The following PTPRN2 variants were observed in gnomAD, a reference collection of about 807,000 sequenced individuals.
PTPRN2 encodes the protein protein tyrosine phosphatase receptor type N2, also known as receptor-type tyrosine-protein phosphatase N2.
A neutral mutation model predicts 118.8 loss-of-function variants in PTPRN2; 74 were observed. The observed-to-expected ratio is 0.62, with a 90% confidence interval of 0.52 to 0.76. PTPRN2 has a LOEUF of 0.76. Ranked by LOEUF, PTPRN2 falls within the 30% of genes least tolerant of loss-of-function variation. The probability of loss-of-function intolerance (pLI) is 0.00; values close to 1 mark genes in which losing one functional copy is unlikely to be tolerated. For missense variants in PTPRN2, 1,481 were observed against 1,394.4 expected (o/e 1.06, Z -0.99); for synonymous variants, 641 against 608.0 (o/e 1.05, Z -0.80).
chr7:157,816,138 C>T (rs958493282), intron 12 of PTPRN2, among the ~76,000 whole-genome samples: 2 of 152,232 alleles, frequency 1.3e-5, no homozygotes, highest in Admixed American at 6.5e-5. Flanking sequence ...TGAGAAGACA[C>T]AGAATTCCAT....
At chr7:157,839,971 T>G (rs111162904) in intron 12 of PTPRN2, among the ~76,000 whole-genome samples, 1 of 151,100 alleles carries the variant, frequency 6.6e-6, no homozygotes, top group Non-Finnish European at 1.5e-5. Flanking sequence ...CGTGTGACTG[T>G]GTGACCACAT....
At chr7:158,260,894 A>C (rs1797352603) in intron 3 of PTPRN2, among the ~76,000 whole-genome samples, 1 of 152,116 alleles carries the variant, frequency 6.6e-6, no homozygotes, top group Admixed American at 6.5e-5. Context: ...CTCAGGCAGG[A>C]GTGTGAGCTC....
At position 158,192,375 on chromosome 7, in the gene PTPRN2, T is replaced by C; in HGVS notation, c.501A>G (p.Ser167=). 1 of 1,526,912 alleles carries C rather than the reference T, an allele frequency of 6.5e-7. No homozygotes were observed. Among genetic ancestry groups the C allele is most frequent in the Non-Finnish European group, 8.7e-7 (1 of 1,148,990 alleles). The allele number at this position is 1,526,912 out of a possible 1,614,324, so 94.6% of individuals were successfully genotyped here. A position where few individuals can be genotyped will look rare whatever the true frequency, so the allele number is the denominator to read the frequency against. Residue 167 remains serine (S), a synonymous_variant, in exon 5 of 23, where the codon TCA becomes TCG. Transcript: ENST00000389418. ...FLEALSQAPA[S]DVLARTHTAQ... ...CCGTATGGGTCCTGGCGAGCACGTC[T>C]GAGGCTGGGGCCTGGGACAGGGCCT...
In PTPRN2 at chr7:157,868,083, G is replaced by C. The variant is rs2151253654; in HGVS notation, c.1788+30590C>G. Among the ~76,000 whole-genome samples, 1 of 152,364 alleles carries C rather than the reference G, an allele frequency of 6.6e-6. No homozygotes were observed. The highest frequency in any genetic ancestry group is 2.4e-5 in the African/African-American group (1 of 41,588). On this transcript the variant is annotated intron_variant, in intron 12 of 22. Coordinates refer to ENST00000389418, the MANE Select transcript of PTPRN2 (RefSeq NM_002847.5). This position sits in a 1 kb window ranked among gnomAD's most constrained non-coding sequence, Gnocchi z 5.2. ...AACCCAGCCCGCATCCTGGGCAAGA[G>C]GCCCACATGCACCTTAGAAAGGGCC...
At chr7:158,290,341 T>C (rs1215050909) in intron 3 of PTPRN2, among the ~76,000 whole-genome samples, 1 of 152,138 alleles carries the variant, frequency 6.6e-6, no homozygotes, top group Non-Finnish European at 1.5e-5. Context: ...CCTACCAGGA[T>C]AGGCCTGGGT....
intron 9 of PTPRN2, among the ~76,000 whole-genome samples, chr7:158,122,548 G>A (rs1374289754): frequency 3.9e-5 from 6 of 152,168 alleles, no homozygotes; most frequent in African/African-American, 9.7e-5. Context: ...TGAAAAGTAC[G>A]TAGGGGTCGG....
chr7:157,646,212 G>A (rs1213517593), intron 14 of PTPRN2, among the ~76,000 whole-genome samples: 3 of 152,182 alleles, frequency 2.0e-5, no homozygotes, highest in Non-Finnish European at 4.4e-5. Flanking sequence ...CCCAGGGCTG[G>A]AGGTGGGGCC....
chr7:157,886,208 C>T (rs974214716), intron 12 of PTPRN2, among the ~76,000 whole-genome samples: 1 of 152,130 alleles, frequency 6.6e-6, no homozygotes, highest in South Asian at 2.1e-4. Context: ...GACAATCTTG[C>T]CTTCCACTAA....
At chr7:157,721,577 G>A (rs933423) in intron 12 of PTPRN2, among the ~76,000 whole-genome samples, 23,436 of 152,200 alleles carry the variant, frequency 0.15, 2,216 homozygotes, top group East Asian at 0.48. Context: ...TGTTCCCACC[G>A]ATGCCCAGTG....
Position 158,022,076 on chromosome 7 carries a change from A to C in PTPRN2, c.1723+59222T>G, listed in dbSNP as rs959875217. Among the ~76,000 whole-genome samples, 1 of 152,148 alleles carries C rather than the reference A, an allele frequency of 6.6e-6. No individual in the cohort carries two copies. Among genetic ancestry groups the C allele is most frequent in the Non-Finnish European group, 1.5e-5 (1 of 68,032 alleles). ...CTCCCTGAAGGGCCAGATGGGTGAC[A>C]GGTCCCCAGAAGCTTCGGTCTTGGG... On this transcript the variant is annotated intron_variant, in intron 11 of 22. Transcript: ENST00000389418. The surrounding 1 kb of genome is among the most constrained non-coding windows in gnomAD (Gnocchi z 4.6).
intron 12 of PTPRN2, among the ~76,000 whole-genome samples, chr7:157,807,879 A>G (rs1410498264): frequency 6.6e-6 from 1 of 152,156 alleles, no homozygotes; most frequent in African/African-American, 2.4e-5. Flanking sequence ...TCTGGGATGG[A>G]TGTTTACGTG....
chr7:157,771,754 C>T (rs754813547), intron 12 of PTPRN2, among the ~76,000 whole-genome samples: 45 of 150,912 alleles, frequency 3.0e-4, no homozygotes, highest in South Asian at 1.0e-3. Flanking sequence ...GATACAGACA[C>T]AAACAGACAC....
At position 158,348,193 on chromosome 7, in the gene PTPRN2, A is replaced by C. The variant is rs72505568; in HGVS notation, c.164-31261T>G. ...CAAGCAGCCATCCCAACACCACACA[A>C]AGAGAGAGAAACTGGAGACAAAAGC... On this transcript the variant is annotated intron_variant, in intron 2 of 22. Coordinates refer to ENST00000389418, the MANE Select transcript of PTPRN2 (RefSeq NM_002847.5). Among the ~76,000 whole-genome samples, 5 of 152,152 alleles carry C rather than the reference A, an allele frequency of 3.3e-5. No homozygotes were observed. The East Asian group carries it at 7.7e-4, about 24-fold the overall frequency.
At chr7:157,568,586 G>A (rs753399359) in intron 21 of PTPRN2, among the ~76,000 whole-genome samples, 1 of 152,208 alleles carries the variant, frequency 6.6e-6, no homozygotes, top group Non-Finnish European at 1.5e-5. Context: ...ACGCTGCAGC[G>A]TATGCAGCAA....
At chr7:157,581,407 A>G (rs1162008069) in intron 17 of PTPRN2, among the ~76,000 whole-genome samples, 3 of 152,134 alleles carry the variant, frequency 2.0e-5, no homozygotes, top group Non-Finnish European at 2.9e-5. Context: ...GAGGGGAGCA[A>G]TGTTGCGCTT....
At chr7:158,053,472 A>G (rs1809488389) in intron 11 of PTPRN2, among the ~76,000 whole-genome samples, 1 of 152,240 alleles carries the variant, frequency 6.6e-6, no homozygotes, top group African/African-American at 2.4e-5. Flanking sequence ...GACAGAAAAG[A>G]AAAGAATTCA....
intron 12 of PTPRN2, among the ~76,000 whole-genome samples, chr7:157,818,246 G>A (rs1205837489): frequency 6.6e-6 from 1 of 152,116 alleles, no homozygotes; most frequent in Non-Finnish European, 1.5e-5. Context: ...GCCCGTGCAT[G>A]TGTGGTGTAT....
chr7:157,972,743 C>CAGAA (rs1563286958), intron 11 of PTPRN2, among the ~76,000 whole-genome samples: 3 of 98,678 alleles, frequency 3.0e-5, no homozygotes, highest in Non-Finnish European at 4.3e-5. Context: ...AGACCACGGG[C>CAGAA]ACTCCACACC....
At chr7:158,062,161 G>A (rs1028928405) in intron 11 of PTPRN2, among the ~76,000 whole-genome samples, 2 of 152,276 alleles carry the variant, frequency 1.3e-5, no homozygotes, top group African/African-American at 4.8e-5. Flanking sequence ...TATCTGAGGT[G>A]GCTTCGCATC....
Sources: gnomAD v4.1 joint callset for allele counts (sites outside exome capture counted in the v4.1 genomes callset) on GRCh38, gnomAD v4.1.1 for gene constraint, Gnocchi (gnomAD v3.1) non-coding constraint, MANE v1.5 for transcripts, NCBI Gene and HGNC (gene_info 2026-07-23, HGNC 2026-07-21) for gene names.